RHOU: variants seen among roughly 807,000 people sequenced by gnomAD.
RHOU encodes rho-related GTP-binding protein RhoU.
In RHOU, 8 loss-of-function variants were observed where a neutral mutation model predicts 12.6. That is an observed-to-expected ratio of 0.64 (90% CI 0.37 to 1.15). The LOEUF is 1.15. Among genes scored for constraint, RHOU ranks in the 50% most tolerant of loss-of-function variants. The pLI is 0.01. For missense variants in RHOU, 258 were observed against 347.0 expected, an observed-to-expected ratio of 0.74 and a Z score of 2.04; for synonymous variants, 161 against 147.4, an observed-to-expected ratio of 1.09 and a Z score of -0.67.
chr1:228,725,661 A>T, the RHOU span, among the ~76,000 whole-genome samples: 3 of 152,226 alleles, frequency 2.0e-5, no homozygotes, highest in African/African-American at 7.2e-5. Context: ...AATCCTAAGG[A>T]TGCTGCCATC....
At chr1:228,662,948 GT>G in the RHOU span, among the ~76,000 whole-genome samples, 1 of 152,078 alleles carries the variant, frequency 6.6e-6, no homozygotes, top group Non-Finnish European at 1.5e-5. Context: ...TCACCATTCT[GT>G]CCCCTCGGGA....
At chr1:228,665,462 G>T in the RHOU span, among the ~76,000 whole-genome samples, 2 of 152,302 alleles carry the variant, frequency 1.3e-5, no homozygotes, top group South Asian at 4.1e-4. Flanking sequence ...CACACATGTC[G>T]GGGATGGGTT....
the RHOU span, among the ~76,000 whole-genome samples, chr1:228,655,659 A>G: frequency 5.3e-5 from 8 of 152,252 alleles, no homozygotes; most frequent in Non-Finnish European, 1.2e-4. Context: ...CCTTGAACAC[A>G]GGGCTAGACC....
At chr1:228,721,722 G>A in the RHOU span, among the ~76,000 whole-genome samples, 10 of 152,206 alleles carry the variant, frequency 6.6e-5, no homozygotes, top group Non-Finnish European at 1.3e-4. Context: ...GGGCAATGGC[G>A]GGATCTCGGC....
chr1:228,672,637 G>A, the RHOU span, among the ~76,000 whole-genome samples: 4 of 152,156 alleles, frequency 2.6e-5, no homozygotes, highest in African/African-American at 7.2e-5. Flanking sequence ...ACATGCCCAA[G>A]TTTAATACTG....
chr1:228,718,770 G>A, the RHOU span, among the ~76,000 whole-genome samples: 46 of 152,260 alleles, frequency 3.0e-4, 1 homozygote, highest in Non-Finnish European at 5.3e-4. Flanking sequence ...TGAACCAGGA[G>A]GACCAGGTTG....
chr1:228,717,859 T>C, the RHOU span, among the ~76,000 whole-genome samples: 4 of 152,204 alleles, frequency 2.6e-5, no homozygotes, highest in South Asian at 2.1e-4. Context: ...AAAAAGTTAA[T>C]TCAAGATCAG....
rs1662587429 is a variant in RHOU at position 228,735,670 on chromosome 1, AAC to A, written c.-72_-71del. 1 of 1,129,898 alleles carries A rather than the reference AAC, an allele frequency of 8.9e-7. No homozygotes were observed. Among genetic ancestry groups the A allele is most frequent in the East Asian group, 4.0e-5 (1 of 25,042 alleles). The allele number at this position is 1,129,898 out of a possible 1,614,324, so 70.0% of individuals were successfully genotyped here. A position where few individuals can be genotyped will look rare whatever the true frequency, so the allele number is the denominator to read the frequency against. On this transcript the variant is annotated 5_prime_UTR_variant, in exon 1 of 3. Transcript: ENST00000366691. The surrounding 1 kb of genome is among the most constrained non-coding windows in gnomAD (Gnocchi z 8.1). ...GTCGGTGACAGCTCCTCCCTACCGC[AAC>A]CCTCCGGGGCGGAGGGGCGGTCGGG...
chr1:228,668,651 T>C, the RHOU span, among the ~76,000 whole-genome samples: 2 of 152,210 alleles, frequency 1.3e-5, no homozygotes, highest in Non-Finnish European at 2.9e-5. Context: ...CATCCTGATT[T>C]CACAGGCACT....
chr1:228,678,509 T>C, the RHOU span, among the ~76,000 whole-genome samples: 1 of 152,148 alleles, frequency 6.6e-6, no homozygotes, highest in Admixed American at 6.5e-5. Context: ...GCCCTTGCAG[T>C]GAATGACTCC....
the RHOU span, among the ~76,000 whole-genome samples, chr1:228,722,295 G>A: frequency 6.6e-6 from 1 of 152,136 alleles, no homozygotes; most frequent in Non-Finnish European, 1.5e-5. Flanking sequence ...TAAAATGTCT[G>A]TTCTTTTCCT....
intron 2 of RHOU, among the ~76,000 whole-genome samples, chr1:228,740,244 G>C (rs1033430186): frequency 1.3e-5 from 2 of 152,164 alleles, no homozygotes; most frequent in African/African-American, 4.8e-5. Flanking sequence ...TGCTACATTT[G>C]TAAGTTTCAG....
chr1:228,693,615 C>T, the RHOU span, among the ~76,000 whole-genome samples: 288 of 152,244 alleles, frequency 1.9e-3, 2 homozygotes, highest in African/African-American at 6.7e-3. Context: ...TACAGGCACG[C>T]GCCACCACGG....
chr1:228,651,094 C>A, the RHOU span: 1 of 230,070 alleles, frequency 4.3e-6, no homozygotes. Flanking sequence ...AGGAGGCCTT[C>A]AATTATGTCA....
upstream of RHOU, chr1:228,734,983 A>T (rs1367874682): frequency 6.6e-6 from 1 of 152,234 alleles, no homozygotes; most frequent in Non-Finnish European, 1.5e-5. Context: ...AGTTAGACTT[A>T]AGGAAAAAAG....
At chr1:228,715,802 CTT>C in the RHOU span, among the ~76,000 whole-genome samples, 1 of 144,398 alleles carries the variant, frequency 6.9e-6, no homozygotes, top group Admixed American at 6.9e-5. Flanking sequence ...CTTGGCATCT[CTT>C]GTGATTATTA....
At chr1:228,659,388 AC>A in the RHOU span, among the ~76,000 whole-genome samples, 1 of 152,114 alleles carries the variant, frequency 6.6e-6, no homozygotes, top group Admixed American at 6.5e-5. Context: ...CAAAAACAAA[AC>A]AAAACAAAAC....
At chr1:228,664,454 G>A in the RHOU span, among the ~76,000 whole-genome samples, 1 of 152,098 alleles carries the variant, frequency 6.6e-6, no homozygotes, top group Admixed American at 6.5e-5. Flanking sequence ...TCTCAGAAAC[G>A]TATTCTGAGA....
chr1:228,650,183 C>A, the RHOU span: 1 of 456,642 alleles, frequency 2.2e-6, no homozygotes, highest in Non-Finnish European at 4.4e-6. Context: ...GTTCCATCAG[C>A]GGCTGCAGCC....
Sources: gnomAD v4.1 joint callset for allele counts (sites outside exome capture counted in the v4.1 genomes callset) on GRCh38, gnomAD v4.1.1 for gene constraint, Gnocchi (gnomAD v3.1) non-coding constraint, MANE v1.5 for transcripts, NCBI Gene and HGNC (gene_info 2026-07-23, HGNC 2026-07-21) for gene names.